Variants in KIAA1549L observed in about 807,000 individuals in gnomAD.
KIAA1549L encodes KIAA1549 like.
A neutral mutation model predicts 160.7 loss-of-function variants in KIAA1549L; 88 were observed. The observed-to-expected ratio is 0.55, with a 90% CI of 0.46 to 0.65. The LOEUF is 0.65. Among genes scored for constraint, KIAA1549L ranks in the 30% least tolerant of loss-of-function variants. KIAA1549L has a pLI of 0.00. For synonymous variants in KIAA1549L, 950 were observed against 976.7 expected (o/e 0.97, Z 0.51); for missense variants, 2,258 against 2,437.5 (o/e 0.93, Z 1.55).
intron 16 of KIAA1549L, among the ~76,000 whole-genome samples, chr11:33,642,395 C>T (rs1260638248): frequency 6.6e-6 from 1 of 152,114 alleles, no homozygotes; most frequent in Non-Finnish European, 1.5e-5. Flanking sequence ...CTCAGCAAGG[C>T]AAGTTACTTC....
Position 33,551,086 on chromosome 11 carries a change from C to T in KIAA1549L, c.3548C>T (p.Ala1183Val). ...CATAATGTCACAGTTGGTTATTATG[C>T]TACCAAAGGGAAGTTGGTGTATTTG... ...YSHNVTVGYY[A>V]TKGKLVYLPA... is the part of the protein sequence containing the mutation. Residue 1183 changes from alanine to valine, a missense_variant, in exon 5 of 21, where the codon GCT becomes GTT. Ala to Val is a moderately conservative substitution (Grantham distance 64). Around this residue, in one of 6 missense-constraint regions of KIAA1549L, gnomAD observed 1,359 missense variants for 1,546.6 expected, o/e 0.88. Transcript: ENST00000658780. 6.2e-7 allele frequency: 1 copy of T among 1,613,964 alleles called. No individual in the cohort carries two copies. The highest frequency in any genetic ancestry group is 1.1e-5 in the South Asian group (1 of 91,080).
intron 1 of KIAA1549L, among the ~76,000 whole-genome samples, chr11:33,469,615 T>C (rs1232150431): frequency 6.6e-6 from 1 of 152,240 alleles, no homozygotes; most frequent in Non-Finnish European, 1.5e-5. Context: ...GCAAAGAGGC[T>C]GCACCATTTT....
At chr11:33,388,801 C>T (rs189645888) in intron 1 of KIAA1549L, among the ~76,000 whole-genome samples, 1 of 152,324 alleles carries the variant, frequency 6.6e-6, no homozygotes, top group Admixed American at 6.5e-5. Flanking sequence ...CCTTTACTCC[C>T]TGGCTTCCTT....
chr11:33,660,215 C>T (rs767996504), intron 19 of KIAA1549L, among the ~76,000 whole-genome samples: 5 of 152,248 alleles, frequency 3.3e-5, no homozygotes, highest in Non-Finnish European at 7.3e-5. Flanking sequence ...GCCTCTAGGC[C>T]AGATGCTCTT....
intron 8 of KIAA1549L, 112 bp from the exon 9 acceptor site, chr11:33,567,964 A>T: frequency 1.8e-6 from 2 of 1,113,792 alleles, no homozygotes; most frequent in South Asian, 1.8e-5. Context: ...CCCTAACATG[A>T]GGTAGGACAC....
intron 1 of KIAA1549L, among the ~76,000 whole-genome samples, chr11:33,539,717 A>C (rs1013486762): frequency 6.6e-6 from 1 of 152,176 alleles, no homozygotes; most frequent in East Asian, 1.9e-4. Context: ...CAGCACTTAA[A>C]TGTTCTAGCC....
rs1197813401 is a variant in KIAA1549L, at chr11:33,541,999, C to A, written c.436C>A (p.His146Asn). 2.3e-6 allele frequency: 1 copy of A among 439,840 alleles called. No homozygotes were observed. Among genetic ancestry groups the A allele is most frequent in the African/African-American group, 2.0e-5 (1 of 49,906 alleles). 27.2% of individuals were successfully genotyped at this position (439,840 alleles called of 1,614,324 possible). A position where few individuals can be genotyped will look rare whatever the true frequency, so the allele number is the denominator to read the frequency against. ...QSARTPASKT[H>N]HRTRAHADFS... The stretch of plus-strand genomic sequence containing the variant: ...AGCCCGAACCCCTGCGTCCAAGACA[C>A]ACCACAGAACTAGGGCTCACGCGGA... The change falls in exon 2 of 21, where the codon CAC becomes AAC. Residue 146 changes from histidine (H) to asparagine (N), a missense_variant. Transcript: ENST00000658780.
At chr11:33,568,391 A>G (rs1855129105) in intron 9 of KIAA1549L, among the ~76,000 whole-genome samples, 164 bp downstream of exon 9, 2 of 152,202 alleles carry the variant, frequency 1.3e-5, no homozygotes, top group African/African-American at 2.4e-5. Context: ...ACTGACGGTC[A>G]TAACCATCAA....
intron 1 of KIAA1549L, among the ~76,000 whole-genome samples, chr11:33,421,446 G>C (rs565929747): frequency 1.3e-5 from 2 of 152,334 alleles, no homozygotes; most frequent in Admixed American, 6.5e-5. Flanking sequence ...CACTACCTGA[G>C]AGCTTGTTAG....
At chr11:33,397,303 C>T (rs1850397417) in intron 1 of KIAA1549L, among the ~76,000 whole-genome samples, 1 of 139,990 alleles carries the variant, frequency 7.1e-6, no homozygotes, top group Non-Finnish European at 1.5e-5. Context: ...CATTGCACTC[C>T]AGCCTTGGTG....
chr11:33,603,544 C>T (rs909683746), intron 13 of KIAA1549L, among the ~76,000 whole-genome samples: 3 of 152,072 alleles, frequency 2.0e-5, no homozygotes, highest in Admixed American at 6.5e-5. Context: ...CGATGGCTCA[C>T]GCCTGTAATC....
chr11:33,605,008 G>T (rs1195270892), intron 13 of KIAA1549L, among the ~76,000 whole-genome samples: 1 of 152,148 alleles, frequency 6.6e-6, no homozygotes, highest in African/African-American at 2.4e-5. Flanking sequence ...CTTGCAGGAT[G>T]GTCACTCATG....
chr11:33,596,605 G>A (rs954205303), intron 12 of KIAA1549L, among the ~76,000 whole-genome samples: 1 of 152,270 alleles, frequency 6.6e-6, no homozygotes, highest in African/African-American at 2.4e-5. Flanking sequence ...CTGGCATGGC[G>A]GCGGGCGCCT....
chr11:33,403,276 G>GC (rs1590221278), intron 1 of KIAA1549L: 12 of 7,062 alleles, frequency 1.7e-3, no homozygotes, highest in Non-Finnish European at 2.1e-3. Flanking sequence ...GACACACACA[G>GC]ACACAGACAC....
Position 33,633,473 on chromosome 11 carries a change from C to G in KIAA1549L, c.5410-12213C>G, listed in dbSNP as rs538689397. Among the ~76,000 whole-genome samples, 17 of 152,074 alleles carry G rather than the reference C, an allele frequency of 1.1e-4. No homozygotes were observed. In the East Asian group the frequency reaches 3.1e-3, roughly 28 times the overall value. ...TGCATCCGTCTGGTTTTTTCAAGAG[C>G]TGAAGAGGTGAAAGGGCAGACTTGA... On this transcript the variant is annotated intron_variant, in intron 16 of 20. Coordinates refer to ENST00000658780, the MANE Select transcript of KIAA1549L (RefSeq NM_012194.3).
At chr11:33,563,730 C>G (rs1854953253) in intron 8 of KIAA1549L, among the ~76,000 whole-genome samples, 1 of 152,316 alleles carries the variant, frequency 6.6e-6, no homozygotes, top group South Asian at 2.1e-4. Context: ...GCTAACCCAG[C>G]AACACATTTT....
At chr11:33,592,859 G>A (rs4755207) in intron 12 of KIAA1549L, among the ~76,000 whole-genome samples, 28,301 of 152,144 alleles carry the variant, frequency 0.19, 3,328 homozygotes, top group East Asian at 0.36. Context: ...TATAAACCAC[G>A]AGGTTATCTG....
intron 15 of KIAA1549L, among the ~76,000 whole-genome samples, chr11:33,612,325 C>A (rs975145511): frequency 5.3e-5 from 8 of 152,224 alleles, no homozygotes; most frequent in Non-Finnish European, 1.0e-4. Context: ...TATAACCCTC[C>A]AGAGGTTCTG....
chr11:33,552,702 A>G lies in KIAA1549L; in HGVS notation c.3855+461A>G, dbSNP rs1363791855. 1.1e-3 allele frequency among the ~76,000 whole-genome samples: 58 copies of G among 52,200 alleles called. 2 individuals carry two copies. The highest frequency in any genetic ancestry group is 5.2e-3 in the African/African-American group (56 of 10,668). The allele number at this position is 52,200 out of a possible 152,430, so 34.2% of individuals were successfully genotyped here. A position where few individuals can be genotyped will look rare whatever the true frequency, so the allele number is the denominator to read the frequency against. On this transcript the variant is annotated intron_variant, in intron 6 of 20. Coordinates refer to ENST00000658780, the MANE Select transcript of KIAA1549L (RefSeq NM_012194.3). ...CACACACACACACACACACACACAC[A>G]CATGCGTTTTATATTGAAGTCTTTA...
Sources: allele counts gnomAD v4.1 joint callset (sites outside exome capture counted in the v4.1 genomes callset), GRCh38; gene constraint gnomAD v4.1.1; regional missense constraint gnomAD v4.1.1; transcripts MANE v1.5; gene names NCBI Gene and HGNC (gene_info 2026-07-23, HGNC 2026-07-21).